Variants in GLS observed in about 807,000 individuals in gnomAD.
The protein encoded by GLS is glutaminase kidney isoform, mitochondrial.
Under a neutral mutation model 86.7 loss-of-function variants are expected in GLS, and 36 were observed. That is an observed-to-expected ratio of 0.42 (90% CI 0.32 to 0.55). GLS has a LOEUF of 0.55. GLS is among the 20% of genes least tolerant of loss of function. The pLI is 0.17. For missense variants in GLS, 528 were observed against 833.4 expected, an observed-to-expected ratio of 0.63 and a Z score of 4.51; for synonymous variants, 317 against 305.9, an observed-to-expected ratio of 1.04 and a Z score of -0.38.
At chr2:190,902,422 T>C (rs1479651771) in intron 5 of GLS, among the ~76,000 whole-genome samples, 3 of 152,136 alleles carry the variant, frequency 2.0e-5, no homozygotes, top group Non-Finnish European at 2.9e-5. Context: ...GTGTTCCTGA[T>C]AAAATTAGCA....
In GLS at chr2:190,935,014, A is replaced by T; in HGVS notation, c.1650+3377A>T. The T allele has an allele frequency of 1.0e-6, 1 of 953,636 alleles. No homozygotes were observed. The highest frequency in any genetic ancestry group is 1.2e-6 in the Non-Finnish European group (1 of 801,166). The allele number at this position is 953,636 out of a possible 1,614,324, so 59.1% of individuals were successfully genotyped here. On this transcript the variant is annotated intron_variant, in intron 14 of 17. Transcript: ENST00000320717. This position sits in a 1 kb window ranked among gnomAD's most constrained non-coding sequence, Gnocchi z 4.2. ...TACCCACTATTATTGGGTTTGTTTT[A>T]TGCCATTATTGATTCTTGATATTCA...
At position 190,951,667 on chromosome 2, in the gene GLS, A is replaced by G. The variant is rs1257762131; in HGVS notation, c.1651-1898A>G. Among the ~76,000 whole-genome samples, 4 of 152,268 alleles carry G rather than the reference A, an allele frequency of 2.6e-5. No individual in the cohort carries two copies. The highest frequency in any genetic ancestry group is 9.6e-5 in the African/African-American group (4 of 41,568). ...TCTGTTTTTAGGGGTCTCCACTGGT[A>G]TTAAAGGCCTGAAGAAAGTATGGCG... On this transcript the variant is annotated intron_variant, in intron 14 of 17. Coordinates refer to ENST00000320717, the MANE Select transcript of GLS (RefSeq NM_014905.5). This position sits in a 1 kb window ranked among gnomAD's most constrained non-coding sequence, Gnocchi z 4.2.
chr2:190,957,689 G>C (rs762094623), intron 17 of GLS, among the ~76,000 whole-genome samples: 5 of 152,204 alleles, frequency 3.3e-5, no homozygotes, highest in Admixed American at 6.5e-5. Context: ...CATTGGTTCT[G>C]TTTATGTGAT....
intron 14 of GLS, among the ~76,000 whole-genome samples, chr2:190,942,048 T>C (rs1690449308): frequency 1.4e-5 from 2 of 144,422 alleles, no homozygotes; most frequent in Non-Finnish European, 3.1e-5. Context: ...ATTCAGAGTT[T>C]AGTGTGAAAC....
intron 1 of GLS, among the ~76,000 whole-genome samples, chr2:190,893,798 T>C (rs887617440): frequency 4.6e-5 from 7 of 152,070 alleles, no homozygotes; most frequent in African/African-American, 1.4e-4. Context: ...TTGGCCAGGC[T>C]GATCTCGAAC....
At chr2:190,939,811 TG>T (rs1199399032) in intron 14 of GLS, among the ~76,000 whole-genome samples, 1 of 151,770 alleles carries the variant, frequency 6.6e-6, no homozygotes, top group Non-Finnish European at 1.5e-5. Flanking sequence ...AATTATTAAT[TG>T]AATTCCACCC....
chr2:190,945,768 G>A (rs1027848676), intron 14 of GLS, among the ~76,000 whole-genome samples: 3 of 152,072 alleles, frequency 2.0e-5, no homozygotes, highest in Non-Finnish European at 1.5e-5. Context: ...ACCATTTTGA[G>A]GTTGTATTTT....
intron 6 of GLS, 122 bp from the exon 7 acceptor site, chr2:190,910,141 C>A: frequency 3.4e-6 from 2 of 591,836 alleles, no homozygotes; most frequent in South Asian, 2.3e-5. Context: ...AAAAATAAAG[C>A]ACTAAGAAAA....
intron 14 of GLS, among the ~76,000 whole-genome samples, chr2:190,932,022 T>A (rs1054691085): frequency 6.6e-6 from 1 of 152,064 alleles, no homozygotes; most frequent in African/African-American, 2.4e-5. Flanking sequence ...CGTTTTAATA[T>A]TTGTTCGTCC....
rs1269057584 is a variant in GLS at position 190,924,446 on chromosome 2, T to C, written c.1198-97T>C. 19 of 726,340 alleles carry C rather than the reference T, an allele frequency of 2.6e-5. No homozygotes were observed. The East Asian group carries it at 4.7e-4, about 18-fold the overall frequency. The allele number at this position is 726,340 out of a possible 1,614,324, so 45.0% of individuals were successfully genotyped here. The stretch of plus-strand genomic sequence containing the variant: ...TTACATGCTATTTTATTAATTAAAA[T>C]GAAACACTTGTGTACATTTGAAATT... On this transcript the variant is annotated intron_variant, in intron 10 of 17. Coordinates refer to ENST00000320717, the MANE Select transcript of GLS (RefSeq NM_014905.5). The surrounding 1 kb of genome is among the most constrained non-coding windows in gnomAD (Gnocchi z 5.2).
Position 190,927,502 on chromosome 2 carries a change from T to TA in GLS, c.1425+21dup. On this transcript the variant is annotated intron_variant, in intron 12 of 17. Transcript: ENST00000320717. ...TTCCATGTAAGTAATTGTTTAATCT[T>TA]ATTTTCTCTGGCAAGAAACTAGTCT... 2.6e-6 allele frequency: 4 copies of TA among 1,565,632 alleles called. No homozygotes were observed. Among genetic ancestry groups the TA allele is most frequent in the Non-Finnish European group, 2.6e-6 (3 of 1,147,398 alleles).
chr2:190,904,956 AT>A (rs760726192), intron 5 of GLS, 47 bp from the exon 6 acceptor site: 45 of 1,086,030 alleles, frequency 4.1e-5, no homozygotes, highest in Middle Eastern at 2.0e-4. Flanking sequence ...ATGCAGTTAC[AT>A]TTTTTTCCCA....
chr2:190,882,670 C>T (rs1336700718), intron 1 of GLS, among the ~76,000 whole-genome samples: 5 of 152,120 alleles, frequency 3.3e-5, no homozygotes, highest in East Asian at 1.9e-4. Context: ...TAAAGTTCTT[C>T]TCCCAGACTG....
In GLS at chr2:190,953,475, AAAGC is replaced by A; in HGVS notation, c.1651-88_1651-85del. 1.1e-6 allele frequency: 1 copy of A among 901,334 alleles called. No individual in the cohort carries two copies. Among genetic ancestry groups the A allele is most frequent in the South Asian group, 1.4e-5 (1 of 73,720 alleles). 55.8% of individuals were successfully genotyped at this position (901,334 alleles called of 1,614,324 possible). On this transcript the variant is annotated intron_variant, in intron 14 of 17. Coordinates refer to ENST00000320717, the MANE Select transcript of GLS (RefSeq NM_014905.5). The surrounding 1 kb of genome is among the most constrained non-coding windows in gnomAD (Gnocchi z 4.0). ...TGCACGTGACTCAGCTGAAGTGTTC[AAAGC>A]ACATGGAAATCACTTGCCAGTGACA...
chr2:190,934,645 A>G, intron 14 of GLS: 1 of 983,906 alleles, frequency 1.0e-6, no homozygotes, highest in South Asian at 4.7e-5. Flanking sequence ...TTACCATTTC[A>G]TTCCGAAGTT....
At chr2:190,959,564 C>T (rs1690949476) in intron 17 of GLS, among the ~76,000 whole-genome samples, 1 of 151,786 alleles carries the variant, frequency 6.6e-6, no homozygotes, top group Non-Finnish European at 1.5e-5. Context: ...GGTTACCCCT[C>T]GTGGAGTTTT....
chr2:190,933,597 T>C (rs1690177659), intron 14 of GLS: 2 of 952,852 alleles, frequency 2.1e-6, no homozygotes, highest in Non-Finnish European at 2.5e-6. Context: ...TGATGTTTCA[T>C]CAATAAAAAG....
chr2:190,916,680 AC>A (rs1689545060), intron 7 of GLS, among the ~76,000 whole-genome samples: 1 of 152,174 alleles, frequency 6.6e-6, no homozygotes, highest in African/African-American at 2.4e-5. Context: ...TGGGGGAGAA[AC>A]ATTCTTTAGT....
chr2:190,902,335 G>GTA (rs944429517), intron 5 of GLS, among the ~76,000 whole-genome samples: 1 of 152,074 alleles, frequency 6.6e-6, no homozygotes, highest in Non-Finnish European at 1.5e-5. Flanking sequence ...ATTCTCTAAT[G>GTA]AACTGACTAC....
Sources: allele counts gnomAD v4.1 joint callset (sites outside exome capture counted in the v4.1 genomes callset), GRCh38; gene constraint gnomAD v4.1.1; non-coding constraint Gnocchi (gnomAD v3.1); transcripts MANE v1.5; gene names NCBI Gene and HGNC (gene_info 2026-07-23, HGNC 2026-07-21).